The following SYN3 variants were observed in gnomAD, a reference collection of about 807,000 sequenced individuals.
SYN3 encodes synapsin III.
SYN3 carries 35 observed loss-of-function variants against 65.8 expected under a neutral mutation model. The ratio of observed to expected loss-of-function variants is 0.53; its 90% CI spans 0.41 to 0.70. The LOEUF is 0.70. SYN3 is among the 30% of genes least tolerant of loss of function. The probability of loss-of-function intolerance (pLI) is 0.00; values close to 1 mark genes in which losing one functional copy is unlikely to be tolerated. For synonymous variants in SYN3, 270 were observed against 292.9 expected (o/e 0.92, Z 0.80); for missense variants, 680 against 749.0 (o/e 0.91, Z 1.08).
At chr22:32,570,849 C>T (rs956725215) in intron 7 of SYN3, among the ~76,000 whole-genome samples, 4 of 152,104 alleles carry the variant, frequency 2.6e-5, no homozygotes, top group Admixed American at 2.0e-4. Context: ...CAATGCGTGA[C>T]ACTGGTGGCC....
intron 6 of SYN3, among the ~76,000 whole-genome samples, chr22:32,633,104 G>A (rs148748010): frequency 5.3e-5 from 8 of 152,334 alleles, no homozygotes; most frequent in Admixed American, 2.0e-4. Flanking sequence ...AGGAATAACC[G>A]CACATTGCCT....
intron 4 of SYN3, among the ~76,000 whole-genome samples, chr22:32,895,918 T>C (rs2049579975): frequency 6.6e-6 from 1 of 152,164 alleles, no homozygotes; most frequent in Admixed American, 6.5e-5. Flanking sequence ...AGAAGGGTCA[T>C]ACTAGTACTA....
At chr22:32,518,474 T>A in intron 12 of SYN3, 140 bp from the exon 13 acceptor site, 2 of 975,980 alleles carry the variant, frequency 2.0e-6, no homozygotes, top group Non-Finnish European at 3.1e-6. Flanking sequence ...TATAAATACC[T>A]AACCATAAGG....
intron 3 of SYN3, among the ~76,000 whole-genome samples, chr22:32,945,090 C>G (rs62234204): frequency 0.023 from 3,558 of 152,246 alleles, 54 homozygotes; most frequent in Non-Finnish European, 0.037. Context: ...TAGGAAGAAT[C>G]AATATTGTGA....
chr22:32,644,061 G>A (rs1450385011), intron 6 of SYN3, among the ~76,000 whole-genome samples: 6 of 108,196 alleles, frequency 5.5e-5, no homozygotes, highest in Non-Finnish European at 8.3e-5. Flanking sequence ...CTGGGCAAGC[G>A]AGACTCTGCC....
chr22:32,780,114 C>T (rs556797650), intron 6 of SYN3, among the ~76,000 whole-genome samples: 1 of 142,164 alleles, frequency 7.0e-6, no homozygotes, highest in South Asian at 2.3e-4. Flanking sequence ...ACAGAAATGG[C>T]CTGCCCTGAC....
intron 6 of SYN3, among the ~76,000 whole-genome samples, chr22:32,712,646 C>T (rs932942387): frequency 6.6e-6 from 1 of 152,158 alleles, no homozygotes; most frequent in African/African-American, 2.4e-5. Flanking sequence ...TTCAGTGGCT[C>T]TCCACTGCAA....
intron 6 of SYN3, among the ~76,000 whole-genome samples, chr22:32,663,307 C>T (rs1423018777): frequency 4.2e-5 from 6 of 142,592 alleles, no homozygotes; most frequent in Admixed American, 2.1e-4. Context: ...CTTTTCTTCT[C>T]TTTTTTTTTT....
chr22:32,754,847 A>G (rs975021273), intron 6 of SYN3, among the ~76,000 whole-genome samples: 2 of 152,138 alleles, frequency 1.3e-5, no homozygotes, highest in Middle Eastern at 3.2e-3. Flanking sequence ...TGGTGGGTGG[A>G]GCCTTGTTCA....
intron 6 of SYN3, among the ~76,000 whole-genome samples, chr22:32,684,495 CT>C (rs1251300479): frequency 6.6e-6 from 1 of 152,184 alleles, no homozygotes; most frequent in African/African-American, 2.4e-5. Flanking sequence ...ATTAATTCAG[CT>C]GCCTTCCACC....
At chr22:32,730,746 C>T (rs5754235) in intron 6 of SYN3, among the ~76,000 whole-genome samples, 13,206 of 152,198 alleles carry the variant, frequency 0.087, 712 homozygotes, top group Non-Finnish European at 0.12. Context: ...TGTTACAAAG[C>T]ACACAGAACT....
intron 3 of SYN3, among the ~76,000 whole-genome samples, chr22:32,973,735 CTTGT>C (rs1294375376): frequency 8.5e-5 from 13 of 152,350 alleles, no homozygotes; most frequent in Admixed American, 2.6e-4. Flanking sequence ...ATTTCTGCTG[CTTGT>C]TTAACATCTC....
At chr22:32,863,232 T>C (rs1288674452) in intron 6 of SYN3, among the ~76,000 whole-genome samples, 1 of 152,236 alleles carries the variant, frequency 6.6e-6, no homozygotes, top group Non-Finnish European at 1.5e-5. Flanking sequence ...TGCCCTGCCT[T>C]GACTTTGCTC....
intron 6 of SYN3, among the ~76,000 whole-genome samples, chr22:32,787,058 C>CT (rs130552): frequency 7.7e-5 from 10 of 130,112 alleles, no homozygotes; most frequent in East Asian, 6.8e-4. Context: ...CTTTTCTTTT[C>CT]TTTTTTTTTT....
intron 6 of SYN3, among the ~76,000 whole-genome samples, chr22:32,716,651 C>A (rs543515704): frequency 6.6e-6 from 1 of 152,084 alleles, no homozygotes; most frequent in Admixed American, 6.5e-5. Context: ...CCATCTTAGC[C>A]TCTGGAGTGG....
At chr22:32,683,645 T>C (rs1044101447) in intron 6 of SYN3, among the ~76,000 whole-genome samples, 1 of 152,168 alleles carries the variant, frequency 6.6e-6, no homozygotes, top group Non-Finnish European at 1.5e-5. Flanking sequence ...TCCCGTGTGT[T>C]TCTATTTTCA....
At chr22:33,050,499 A>C (rs1447257785) in intron 1 of SYN3, among the ~76,000 whole-genome samples, 39 of 139,712 alleles carry the variant, frequency 2.8e-4, no homozygotes, top group African/African-American at 9.9e-4. Context: ...AAAAAAAAAA[A>C]CAAAACAAAG....
chr22:32,561,823 A>G (rs896450796), intron 7 of SYN3, among the ~76,000 whole-genome samples: 47 of 152,358 alleles, frequency 3.1e-4, no homozygotes, highest in African/African-American at 1.1e-3. Context: ...GTAGAGGCCC[A>G]ACGCTGCCTC....
At chr22:32,758,096 T>C (rs1019875973) in intron 6 of SYN3, among the ~76,000 whole-genome samples, 2 of 152,266 alleles carry the variant, frequency 1.3e-5, no homozygotes, top group African/African-American at 4.8e-5. Flanking sequence ...TCCTTTATCA[T>C]GCCACATAAG....
Sources: allele counts gnomAD v4.1 joint callset (sites outside exome capture counted in the v4.1 genomes callset), GRCh38; gene constraint gnomAD v4.1.1; transcripts MANE v1.5; gene names NCBI Gene and HGNC (gene_info 2026-07-23, HGNC 2026-07-21).